The following PCDHGB1 variants were observed in gnomAD, a reference collection of about 807,000 sequenced individuals.
The protein encoded by PCDHGB1 is protocadherin gamma-B1.
A neutral mutation model predicts 56.6 loss-of-function variants in PCDHGB1; 34 were observed. That is an observed-to-expected ratio of 0.60 (90% CI 0.46 to 0.80). The LOEUF (loss-of-function observed/expected upper bound fraction) is 0.80, where lower values mean the gene tolerates loss of function less well. PCDHGB1 is among the 30% of genes least tolerant of loss of function. The pLI is 0.00. For missense variants in PCDHGB1, 1,278 were observed against 1,204.6 expected, an observed-to-expected ratio of 1.06 and a Z score of -0.90; for synonymous variants, 561 against 505.9, an observed-to-expected ratio of 1.11 and a Z score of -1.46.
intron 1 of PCDHGB1, chr5:141,365,169 CTT>C: frequency 1.2e-6 from 2 of 1,613,926 alleles, no homozygotes; most frequent in South Asian, 2.2e-5. Flanking sequence ...TTGACCTACT[CTT>C]TTCGCAATGA....
chr5:141,497,740 C>G (rs954595046), intron 2 of PCDHGB1, among the ~76,000 whole-genome samples: 9 of 152,054 alleles, frequency 5.9e-5, no homozygotes, highest in African/African-American at 2.2e-4. Context: ...GGTTTCGCCA[C>G]GTTGGCCAGG....
Position 141,432,593 on chromosome 5 carries a change from A to G in PCDHGB1, c.2410-62214A>G, listed in dbSNP as rs2097518945. ...GCTGTCCTACCGTCTGCTCAAGGCC[A>G]GCGAGCCGGGACTCTTCTCGGTGGG... On this transcript the variant is annotated intron_variant, in intron 1 of 3. Transcript: ENST00000523390. The surrounding 1 kb of genome is among the most constrained non-coding windows in gnomAD (Gnocchi z 6.0). 6.2e-7 allele frequency: 1 copy of G among 1,612,958 alleles called. No individual in the cohort carries two copies. Among genetic ancestry groups the G allele is most frequent in the Non-Finnish European group, 8.5e-7 (1 of 1,179,834 alleles).
chr5:141,368,108 T>C (rs1244869694), intron 1 of PCDHGB1, among the ~76,000 whole-genome samples: 1 of 152,216 alleles, frequency 6.6e-6, no homozygotes, highest in African/African-American at 2.4e-5. Context: ...TTCAGATGTT[T>C]CTTATTAAAA....
intron 1 of PCDHGB1, chr5:141,361,013 A>T: frequency 6.2e-7 from 1 of 1,613,268 alleles, no homozygotes; most frequent in Non-Finnish European, 8.5e-7. Flanking sequence ...CACTTTTTCA[A>T]CTTAAATGAA....
In PCDHGB1 at chr5:141,476,651, T is replaced by C. The variant is rs1355056895; in HGVS notation, c.2410-18156T>C. On this transcript the variant is annotated intron_variant, in intron 1 of 3. Coordinates refer to ENST00000523390, the MANE Select transcript of PCDHGB1 (RefSeq NM_018922.3). This position sits in a 1 kb window ranked among gnomAD's most constrained non-coding sequence, Gnocchi z 7.6. ...AACCTATGAGCTGAGCCGAAATGAA[T>C]ACTTTGCGCTTCGCGTGCAGACGCG... is the stretch of plus-strand genomic sequence containing the variant. The C allele has an allele frequency of 3.7e-6, 6 of 1,614,118 alleles. No individual in the cohort carries two copies. Among genetic ancestry groups the C allele is most frequent in the Non-Finnish European group, 5.1e-6 (6 of 1,180,050 alleles).
intron 1 of PCDHGB1, chr5:141,417,908 C>G (rs1255727429): frequency 6.3e-7 from 1 of 1,597,500 alleles, no homozygotes; most frequent in Non-Finnish European, 8.5e-7. Context: ...GCGGCAGGTA[C>G]TATTTCCTTT....
chr5:141,495,529 C>T (rs1466269939), intron 2 of PCDHGB1, among the ~76,000 whole-genome samples: 1 of 152,210 alleles, frequency 6.6e-6, no homozygotes, highest in African/African-American at 2.4e-5. Flanking sequence ...ACCTCTCAGT[C>T]CTTCCCTCAG....
At chr5:141,372,942 T>C in intron 1 of PCDHGB1, 1 of 786,954 alleles carries the variant, frequency 1.3e-6, no homozygotes. Context: ...GAGTAGGGTG[T>C]CTAGGAAATT....
chr5:141,356,135 CTGGATTCTATGACA>C (rs779609652), intron 1 of PCDHGB1: 2 of 1,613,762 alleles, frequency 1.2e-6, no homozygotes, highest in Non-Finnish European at 1.7e-6. Context: ...TATGAGGACT[CTGGATTCTATGACA>C]TAGATGTAGA....
chr5:141,446,797 A>G lies in PCDHGB1; in HGVS notation c.2410-48010A>G, dbSNP rs559881142. ...CCATTCTTTTACTCTGAGTTCTTCC[A>G]TTGTGATCATCTAGTCAGATGGGTA... is the stretch of plus-strand genomic sequence containing the variant. On this transcript the variant is annotated intron_variant, in intron 1 of 3. Coordinates refer to ENST00000523390, the MANE Select transcript of PCDHGB1 (RefSeq NM_018922.3). Among the ~76,000 whole-genome samples, 48 of 152,224 alleles carry G rather than the reference A, an allele frequency of 3.2e-4. No individual in the cohort carries two copies. In the South Asian group the frequency reaches 7.3e-3, roughly 23 times the overall value.
At chr5:141,397,842 G>T (rs7703108) in intron 1 of PCDHGB1, 79,958 of 516,008 alleles carry the variant, frequency 0.15, 7,302 homozygotes, top group African/African-American at 0.31. Flanking sequence ...ACTTGAAGCC[G>T]CAGAGGCTGT....
intron 1 of PCDHGB1, chr5:141,392,764 C>T (rs1589161528): frequency 1.4e-6 from 2 of 1,480,722 alleles, no homozygotes; most frequent in South Asian, 2.8e-5. Context: ...CTAAATAAGA[C>T]CCATTTATGC....
chr5:141,415,704 T>C (rs1262137262), intron 1 of PCDHGB1: 1 of 1,344,464 alleles, frequency 7.4e-7, no homozygotes, highest in South Asian at 1.3e-5. Context: ...GTGTAAATGC[T>C]AAAACACTGA....
At chr5:141,406,070 T>A (rs1451280596) in intron 1 of PCDHGB1, among the ~76,000 whole-genome samples, 1 of 136,270 alleles carries the variant, frequency 7.3e-6, no homozygotes, top group Admixed American at 7.2e-5. Flanking sequence ...AAATTCTTAC[T>A]CCTTTTTTTT....
rs754178145 is a variant in PCDHGB1 at position 141,489,423 on chromosome 5, C to G, written c.2410-5384C>G. On this transcript the variant is annotated intron_variant, in intron 1 of 3. Transcript: ENST00000523390. The surrounding 1 kb of genome is among the most constrained non-coding windows in gnomAD (Gnocchi z 4.5). ...GCTTAAAGATGACAGATCTGTTGAG[C>G]CGGCGGCTGCAATTGGGCTCTGAGG... 3 of 1,614,098 alleles carry G rather than the reference C, an allele frequency of 1.9e-6. No individual in the cohort carries two copies. The highest frequency in any genetic ancestry group is 1.7e-5 in the Admixed American group (1 of 60,020).
intron 1 of PCDHGB1, chr5:141,357,299 T>C (rs776226877): frequency 1.1e-5 from 18 of 1,613,846 alleles, no homozygotes; most frequent in Non-Finnish European, 1.1e-5. Flanking sequence ...GTGGCCGCTG[T>C]CTCCTGCGTC....
At chr5:141,478,442 C>G (rs1245219009) in intron 1 of PCDHGB1, 1 of 1,613,608 alleles carries the variant, frequency 6.2e-7, no homozygotes, top group Non-Finnish European at 8.5e-7. Flanking sequence ...GCTGAAGAAA[C>G]CTGGTGCAGC....
chr5:141,425,897 A>G (rs893972047), intron 1 of PCDHGB1, among the ~76,000 whole-genome samples: 1 of 152,240 alleles, frequency 6.6e-6, no homozygotes, highest in African/African-American at 2.4e-5. Context: ...TTTGGTAGTA[A>G]ACACTGGAAA....
At position 141,485,561 on chromosome 5, in the gene PCDHGB1, GCCC is replaced by G; in HGVS notation, c.2410-9242_2410-9240del. ...AGAGATCGTAGATGTGAATGATCAC[GCCC>G]CCCGTTTTCCGCGGCAGCAGCTGGA... On this transcript the variant is annotated intron_variant, in intron 1 of 3. Transcript: ENST00000523390. This position sits in a 1 kb window ranked among gnomAD's most constrained non-coding sequence, Gnocchi z 5.7. 1 of 1,613,008 alleles carries G rather than the reference GCCC, an allele frequency of 6.2e-7. No homozygotes were observed.
Sources: allele counts gnomAD v4.1 joint callset (sites outside exome capture counted in the v4.1 genomes callset), GRCh38; gene constraint gnomAD v4.1.1; non-coding constraint Gnocchi (gnomAD v3.1); transcripts MANE v1.5; gene names NCBI Gene and HGNC (gene_info 2026-07-23, HGNC 2026-07-21).